The following DPH6 variants were observed in gnomAD, a reference collection of about 807,000 sequenced individuals.
DPH6 encodes the protein diphthamine biosynthesis 6, also known as diphthine--ammonia ligase.
DPH6 carries 33 observed loss-of-function variants against 38.2 expected under a neutral mutation model. The observed-to-expected ratio is 0.86, with a 90% CI of 0.65 to 1.15. The LOEUF (loss-of-function observed/expected upper bound fraction) is 1.15. DPH6 is among the 50% of genes most tolerant of loss of function. DPH6 has a pLI of 0.00. For missense variants in DPH6, 325 were observed against 320.0 expected, an observed-to-expected ratio of 1.02 and a Z score of -0.12; for synonymous variants, 108 against 103.0, an observed-to-expected ratio of 1.05 and a Z score of -0.30.
chr15:35,309,757 G>T (rs2052124445), intron 3 of DPH6, among the ~76,000 whole-genome samples: 1 of 152,176 alleles, frequency 6.6e-6, no homozygotes, highest in Admixed American at 6.5e-5. Context: ...TCTTAAAAGT[G>T]ATTCCTCACA....
chr15:35,254,077 C>T (rs112824570), intron 3 of DPH6, among the ~76,000 whole-genome samples: 1 of 152,186 alleles, frequency 6.6e-6, no homozygotes, highest in Non-Finnish European at 1.5e-5. Flanking sequence ...CTACACTAGA[C>T]AGGTGTTTAA....
At chr15:35,543,431 T>C (rs763727603) in intron 1 of DPH6, among the ~76,000 whole-genome samples, 12 of 151,862 alleles carry the variant, frequency 7.9e-5, no homozygotes, top group Non-Finnish European at 1.8e-4. Context: ...AGCTCATCTA[T>C]AATATGGCTG....
the DPH6 span, among the ~76,000 whole-genome samples, chr15:35,167,651 T>G: frequency 1.3e-5 from 2 of 151,642 alleles, no homozygotes; most frequent in Non-Finnish European, 2.9e-5. Flanking sequence ...TGCCTAAGGT[T>G]AGACAGATAG....
chr15:35,542,543 C>T (rs755857465), intron 1 of DPH6, 36 bp from the exon 2 acceptor site: 65 of 1,498,824 alleles, frequency 4.3e-5, no homozygotes, highest in Non-Finnish European at 5.7e-5. Flanking sequence ...AAATATCATG[C>T]TACTGACCAT....
chr15:35,378,870 T>A (rs1055390637), intron 7 of DPH6, among the ~76,000 whole-genome samples: 1 of 152,138 alleles, frequency 6.6e-6, no homozygotes, highest in African/African-American at 2.4e-5. Context: ...AAATACCTAA[T>A]GTAGGTTATG....
rs147436398 is a variant in DPH6, at chr15:35,466,459, T to C, written c.313-11639A>G. On this transcript the variant is annotated intron_variant, in intron 3 of 8. Coordinates refer to ENST00000256538, the MANE Select transcript of DPH6 (RefSeq NM_080650.4). ...CTGAACTCATTCTCTAAGCTGTCCT[T>C]TGATTAGTTTGAGATAACTAAAATG... Among the ~76,000 whole-genome samples, 543 of 152,268 alleles carry C rather than the reference T, an allele frequency of 3.6e-3. 3 individuals carry two copies. In the Middle Eastern group the frequency reaches 0.044, roughly 12 times the overall value.
At chr15:35,365,955 A>C (rs1466917032), downstream of DPH6, 68 of 985,116 alleles carry the variant, frequency 6.9e-5, no homozygotes, top group Non-Finnish European at 8.1e-5. Context: ...TTGACAAATC[A>C]CTTTTCTGCT....
At chr15:35,233,657 T>C (rs1401098868) in intron 3 of DPH6, among the ~76,000 whole-genome samples, 1 of 152,152 alleles carries the variant, frequency 6.6e-6, no homozygotes, top group Non-Finnish European at 1.5e-5. Flanking sequence ...AGCCAAACAC[T>C]ATAACTTCCC....
At chr15:35,530,529 T>G (rs1183741182) in intron 3 of DPH6, among the ~76,000 whole-genome samples, 1 of 152,148 alleles carries the variant, frequency 6.6e-6, no homozygotes, top group Non-Finnish European at 1.5e-5. Context: ...AGAGAGGCAC[T>G]GACTCTGGGA....
At chr15:35,167,750 A>G in the DPH6 span, among the ~76,000 whole-genome samples, 1 of 152,054 alleles carries the variant, frequency 6.6e-6, no homozygotes, top group African/African-American at 2.4e-5. Context: ...TTAACCTACA[A>G]TGTTTCCACA....
chr15:35,168,499 A>G, the DPH6 span, among the ~76,000 whole-genome samples: 9 of 151,984 alleles, frequency 5.9e-5, no homozygotes, highest in African/African-American at 2.2e-4. Flanking sequence ...AGCAGTTTTT[A>G]CTGATGATAA....
At chr15:35,168,783 A>G in the DPH6 span, among the ~76,000 whole-genome samples, 1 of 152,170 alleles carries the variant, frequency 6.6e-6, no homozygotes, top group East Asian at 1.9e-4. Context: ...TACTAGGCTG[A>G]TATTTTCTCT....
At chr15:35,289,107 T>A (rs997737065) in intron 3 of DPH6, among the ~76,000 whole-genome samples, 2 of 152,202 alleles carry the variant, frequency 1.3e-5, no homozygotes, top group African/African-American at 2.4e-5. Context: ...ATTTCTATGA[T>A]AAAAGCCAGA....
the DPH6 span, among the ~76,000 whole-genome samples, chr15:35,168,878 G>C: frequency 6.6e-6 from 1 of 151,976 alleles, no homozygotes; most frequent in African/African-American, 2.4e-5. Flanking sequence ...GTTTGTTTCT[G>C]TCACATTTTC....
intron 3 of DPH6, among the ~76,000 whole-genome samples, chr15:35,514,161 A>C (rs2054814174): frequency 1.3e-5 from 2 of 152,108 alleles, no homozygotes; most frequent in African/African-American, 4.8e-5. Context: ...TAAATTTGGC[A>C]CCTTATAACT....
intron 3 of DPH6, among the ~76,000 whole-genome samples, chr15:35,301,369 T>C (rs910024716): frequency 1.3e-5 from 2 of 152,204 alleles, no homozygotes; most frequent in Non-Finnish European, 2.9e-5. Context: ...TCAGACAATA[T>C]CTGGCTTTAT....
At chr15:35,528,283 C>T (rs1050627371) in intron 3 of DPH6, among the ~76,000 whole-genome samples, 1 of 152,056 alleles carries the variant, frequency 6.6e-6, no homozygotes, top group Non-Finnish European at 1.5e-5. Context: ...TGATATGAAG[C>T]ATCTTCTATT....
intron 3 of DPH6, among the ~76,000 whole-genome samples, chr15:35,304,336 AT>A (rs2052073813): frequency 1.3e-5 from 2 of 152,236 alleles, no homozygotes; most frequent in South Asian, 4.1e-4. Flanking sequence ...TCAGAATATT[AT>A]TCAGTCAAAA....
intron 3 of DPH6, among the ~76,000 whole-genome samples, chr15:35,455,529 G>A (rs1308783842): frequency 1.3e-5 from 2 of 152,092 alleles, no homozygotes; most frequent in Non-Finnish European, 2.9e-5. Context: ...AGCTAGAATG[G>A]ATTAAAAAGA....
Sources: gnomAD v4.1 joint callset for allele counts (sites outside exome capture counted in the v4.1 genomes callset) on GRCh38, gnomAD v4.1.1 for gene constraint, MANE v1.5 for transcripts, NCBI Gene and HGNC (gene_info 2026-07-23, HGNC 2026-07-21) for gene names.